The following NME7 variants were observed in gnomAD, a reference collection of about 807,000 sequenced individuals.
NME7 encodes nucleoside diphosphate kinase 7.
In NME7, 41 loss-of-function variants were observed where a neutral mutation model predicts 49.1. That is an observed-to-expected ratio of 0.83 (90% CI 0.65 to 1.08). NME7 has a LOEUF of 1.08. NME7 is among the 50% of genes least tolerant of loss of function. NME7 has a pLI of 0.00. For missense variants in NME7, 423 were observed against 463.4 expected (o/e 0.91, Z 0.80); for synonymous variants, 139 against 150.6 (o/e 0.92, Z 0.56).
chr1:169,227,047 C>T (rs933182751), intron 10 of NME7, among the ~76,000 whole-genome samples: 1 of 152,052 alleles, frequency 6.6e-6, no homozygotes. Flanking sequence ...TTTTTATGCC[C>T]CAGCAATAGG....
intron 10 of NME7, among the ~76,000 whole-genome samples, chr1:169,209,547 T>C (rs1234546246): frequency 1.3e-5 from 2 of 152,148 alleles, no homozygotes; most frequent in African/African-American, 2.4e-5. Flanking sequence ...AACCTTCCAC[T>C]GTTACCATCC....
intron 7 of NME7, among the ~76,000 whole-genome samples, chr1:169,253,191 T>A (rs12070666): frequency 0.062 from 9,221 of 149,852 alleles, 360 homozygotes; most frequent in East Asian, 0.12. Context: ...TTCCTACCCA[T>A]GAGCATGGAA....
chr1:169,132,831 A>ACAC lies in NME7; in HGVS notation c.1099-17_1099-15dup, dbSNP rs770179528. On this transcript the variant is annotated splice_polypyrimidine_tract_variant and intron_variant, in intron 11 of 11. Coordinates refer to ENST00000367811, the MANE Select transcript of NME7 (RefSeq NM_013330.5). ...GAAGTATTGAACCTGAAACGGAGAAACACATAATTTCTTAGTTCAGACAAA... is the reference window on the plus strand; with the variant it reads ...GAAGTATTGAACCTGAAACGGAGAAACACCACATAATTTCTTAGTTCAGACAAA... 1 of 1,612,584 alleles carries ACAC rather than the reference A, an allele frequency of 6.2e-7. No individual in the cohort carries two copies. Among genetic ancestry groups the ACAC allele is most frequent in the Non-Finnish European group, 8.5e-7 (1 of 1,179,368 alleles).
At chr1:169,322,943 C>A (rs1417693101) in intron 3 of NME7, among the ~76,000 whole-genome samples, 174 bp downstream of exon 3, 2 of 151,832 alleles carry the variant, frequency 1.3e-5, no homozygotes, top group Admixed American at 1.3e-4. Flanking sequence ...ATGAGACATG[C>A]ACAACTATGG....
intron 11 of NME7, among the ~76,000 whole-genome samples, chr1:169,167,578 C>A (rs528834628): frequency 3.9e-5 from 6 of 152,114 alleles, no homozygotes; most frequent in East Asian, 1.9e-4. Flanking sequence ...CTAGAAATAA[C>A]TTTCTTAACC....
chr1:169,252,139 G>A (rs2101848299), intron 7 of NME7, among the ~76,000 whole-genome samples: 1 of 150,396 alleles, frequency 6.6e-6, no homozygotes, highest in South Asian at 2.1e-4. Context: ...TCGCCACACT[G>A]ACTTCCACAA....
At position 169,276,523 on chromosome 1, in the gene NME7, C is replaced by T. The variant is rs868199097; in HGVS notation, c.754+10780G>A. Among the ~76,000 whole-genome samples, 298 of 125,836 alleles carry T rather than the reference C, an allele frequency of 2.4e-3. 32 individuals carry two copies. Among genetic ancestry groups the T allele is most frequent in the African/African-American group, 6.4e-3 (246 of 38,270 alleles). The allele number at this position is 125,836 out of a possible 152,430, so 82.6% of individuals were successfully genotyped here. A position where few individuals can be genotyped will look rare whatever the true frequency, so the allele number is the denominator to read the frequency against. On this transcript the variant is annotated intron_variant, in intron 7 of 11. Coordinates refer to ENST00000367811, the MANE Select transcript of NME7 (RefSeq NM_013330.5). ...ATGGTAGTTTGTATTTCTGTGGGATCGGTGGTGATATCCCCTTTATCAGTT... is the reference window on the plus strand; with the variant it reads ...ATGGTAGTTTGTATTTCTGTGGGATTGGTGGTGATATCCCCTTTATCAGTT...
chr1:169,256,048 T>C (rs1648916530), intron 7 of NME7, among the ~76,000 whole-genome samples: 1 of 131,998 alleles, frequency 7.6e-6, no homozygotes, highest in Admixed American at 7.5e-5. Context: ...TGTCTTGGAG[T>C]TGCTCTTCTC....
chr1:169,284,712 T>C (rs1462368692), intron 7 of NME7: 1 of 152,182 alleles, frequency 6.6e-6, no homozygotes, highest in Non-Finnish European at 1.5e-5. Context: ...TTTTTATAGT[T>C]TTGGGTTTTA....
chr1:169,133,804 C>T (rs1053885767), intron 11 of NME7, among the ~76,000 whole-genome samples: 3 of 152,148 alleles, frequency 2.0e-5, no homozygotes, highest in Admixed American at 6.5e-5. Context: ...GAAACATCAG[C>T]TCATTTTGTA....
intron 11 of NME7, among the ~76,000 whole-genome samples, chr1:169,145,852 C>T (rs1658731559): frequency 6.6e-6 from 1 of 152,142 alleles, no homozygotes; most frequent in East Asian, 1.9e-4. Context: ...GTGCATACCA[C>T]AAGAGATGTG....
At position 169,260,023 on chromosome 1, in the gene NME7, G is replaced by A. The variant is rs1191492695; in HGVS notation, c.755-22336C>T. On this transcript the variant is annotated intron_variant, in intron 7 of 11. Coordinates refer to ENST00000367811, the MANE Select transcript of NME7 (RefSeq NM_013330.5). ...ACTGCTCTGGTGAAATAACTGGGAT[G>A]AGTAACTCACTTCCTATTTTGCACA... is the stretch of plus-strand genomic sequence containing the variant. Among the ~76,000 whole-genome samples, 14 of 133,680 alleles carry A rather than the reference G, an allele frequency of 1.0e-4. 3 individuals carry two copies. Among genetic ancestry groups the A allele is most frequent in the Non-Finnish European group, 2.3e-4 (13 of 56,756 alleles). 87.7% of individuals were successfully genotyped at this position (133,680 alleles called of 152,430 possible).
In NME7 at chr1:169,268,959, T is replaced by C. The variant is rs564993670; in HGVS notation, c.754+18344A>G. 1.5e-5 allele frequency among the ~76,000 whole-genome samples: 2 copies of C among 134,194 alleles called. 1 individual carries two copies. Among genetic ancestry groups the C allele is most frequent in the South Asian group, 4.5e-4 (2 of 4,406 alleles). 88.0% of individuals were successfully genotyped at this position (134,194 alleles called of 152,430 possible). ...ACCTAAAATAGAAGTTAAAATATTT[T>C]TAAGAGTTAAATTAAATTTAAAAAA... On this transcript the variant is annotated intron_variant, in intron 7 of 11. Transcript: ENST00000367811.
intron 4 of NME7, among the ~76,000 whole-genome samples, chr1:169,309,027 C>T (rs1312364014): frequency 6.6e-6 from 1 of 152,058 alleles, no homozygotes; most frequent in Non-Finnish European, 1.5e-5. Context: ...TAATTTTATA[C>T]AGTGTGTTAT....
chr1:169,152,678 A>G (rs1231896083), intron 11 of NME7, among the ~76,000 whole-genome samples: 1 of 152,220 alleles, frequency 6.6e-6, no homozygotes. Flanking sequence ...GTAGAAATAG[A>G]TCACTTGAAG....
intron 7 of NME7, among the ~76,000 whole-genome samples, chr1:169,279,346 T>A (rs1288416817): frequency 6.6e-6 from 1 of 152,194 alleles, no homozygotes; most frequent in East Asian, 1.9e-4. Flanking sequence ...TCCACCCAGT[T>A]CGAGCTTCCA....
intron 10 of NME7, among the ~76,000 whole-genome samples, chr1:169,172,270 A>G (rs1193052478): frequency 6.6e-6 from 1 of 151,688 alleles, no homozygotes; most frequent in Non-Finnish European, 1.5e-5. Flanking sequence ...TATGGCCTGT[A>G]ACAAAACTAA....
intron 10 of NME7, among the ~76,000 whole-genome samples, chr1:169,193,579 C>T (rs977887224): frequency 6.6e-6 from 1 of 152,172 alleles, no homozygotes; most frequent in African/African-American, 2.4e-5. Flanking sequence ...AGTAATGCTG[C>T]TGAGGGTTAA....
chr1:169,278,400 C>T (rs984264272), intron 7 of NME7, among the ~76,000 whole-genome samples: 3 of 151,932 alleles, frequency 2.0e-5, no homozygotes, highest in Non-Finnish European at 2.9e-5. Context: ...TTATTCTTTT[C>T]TCTCTAAACT....
Sources: gnomAD v4.1 joint callset for allele counts (sites outside exome capture counted in the v4.1 genomes callset) on GRCh38, gnomAD v4.1.1 for gene constraint, MANE v1.5 for transcripts, NCBI Gene and HGNC (gene_info 2026-07-23, HGNC 2026-07-21) for gene names.